The following USH2A variants were observed in gnomAD, a reference collection of about 807,000 sequenced individuals.
USH2A encodes the protein usherin.
A neutral mutation model predicts 538.9 loss-of-function variants in USH2A; 443 were observed. The ratio of observed to expected loss-of-function variants is 0.82; its 90% CI spans 0.76 to 0.89. The LOEUF (loss-of-function observed/expected upper bound fraction) is 0.89, where lower values mean the gene tolerates loss of function less well. Ranked by LOEUF, USH2A falls within the 40% of genes least tolerant of loss-of-function variation. USH2A has a pLI of 0.00. For missense variants in USH2A, 6,633 were observed against 6,324.8 expected (o/e 1.05, Z -1.65); for synonymous variants, 2,413 against 2,273.5 (o/e 1.06, Z -1.75).
intron 65 of USH2A, among the ~76,000 whole-genome samples, chr1:215,649,649 G>A (rs546229800): frequency 2.0e-5 from 3 of 152,268 alleles, no homozygotes; most frequent in East Asian, 1.9e-4. Flanking sequence ...CTCCCTGTAT[G>A]TAAGTTATCT....
intron 4 of USH2A, among the ~76,000 whole-genome samples, chr1:216,349,079 C>A (rs751981374): frequency 2.0e-5 from 3 of 152,106 alleles, no homozygotes; most frequent in Non-Finnish European, 4.4e-5. Context: ...GTAGGATAAG[C>A]TTACCGAATG....
chr1:215,929,433 A>T (rs1666310713), intron 38 of USH2A, among the ~76,000 whole-genome samples: 1 of 152,010 alleles, frequency 6.6e-6, no homozygotes, highest in African/African-American at 2.4e-5. Context: ...ACCCCTTAGC[A>T]GGGTTACTGG....
Position 216,077,972 on chromosome 1 carries a change from T to A in USH2A, c.5572+117A>T, listed in dbSNP as rs996231128. On this transcript the variant is annotated intron_variant, in intron 27 of 71. Coordinates refer to ENST00000307340, the MANE Select transcript of USH2A (RefSeq NM_206933.4). ...GTTTAAATTTCTCCAGAAAAAGAGA[T>A]GCTGTTGGGTGCTGCTTTTAGCCTG... is the stretch of plus-strand genomic sequence containing the variant. 4.0e-6 allele frequency: 5 copies of A among 1,239,212 alleles called. No individual in the cohort carries two copies. The South Asian group carries it at 5.1e-5, about 13-fold the overall frequency. 76.8% of individuals were successfully genotyped at this position (1,239,212 alleles called of 1,614,324 possible). A position where few individuals can be genotyped will look rare whatever the true frequency, so the allele number is the denominator to read the frequency against.
At chr1:216,331,349 G>A (rs538764700) in intron 4 of USH2A, among the ~76,000 whole-genome samples, 1 of 152,072 alleles carries the variant, frequency 6.6e-6, no homozygotes, top group Non-Finnish European at 1.5e-5. Context: ...AATTGATCAA[G>A]GAAATAGACA....
At chr1:215,831,807 G>C (rs1374918565) in intron 47 of USH2A, among the ~76,000 whole-genome samples, 1 of 151,904 alleles carries the variant, frequency 6.6e-6, no homozygotes, top group East Asian at 1.9e-4. Flanking sequence ...AAACAATAGA[G>C]AGCAGAAATC....
At chr1:216,125,941 G>A (rs1307892335) in intron 21 of USH2A, among the ~76,000 whole-genome samples, 2 of 152,302 alleles carry the variant, frequency 1.3e-5, no homozygotes, top group East Asian at 3.9e-4. Flanking sequence ...TAAGACAGCT[G>A]CCAATTTAAG....
intron 38 of USH2A, among the ~76,000 whole-genome samples, chr1:215,913,295 G>T (rs768565706): frequency 3.9e-4 from 59 of 152,076 alleles, no homozygotes; most frequent in Non-Finnish European, 7.5e-4. Flanking sequence ...GCAATATGTA[G>T]TTAAAATGTA....
At position 215,766,792 on chromosome 1, in the gene USH2A, GA is replaced by G. The variant is rs1273233156; in HGVS notation, c.10940-5del. On this transcript the variant is annotated splice_region_variant and splice_polypyrimidine_tract_variant and intron_variant, in intron 55 of 71. Coordinates refer to ENST00000307340, the MANE Select transcript of USH2A (RefSeq NM_206933.4). ...TAGTTGGTGTATGGCTGGAGACCTA[GA>G]AAAAGCAAGCAAGAAATAAAGTGCA... is the stretch of plus-strand genomic sequence containing the variant. The G allele has an allele frequency of 6.2e-7, 1 of 1,612,308 alleles. No homozygotes were observed. Among genetic ancestry groups the G allele is most frequent in the Non-Finnish European group, 8.5e-7 (1 of 1,178,490 alleles).
At chr1:216,296,390 T>C (rs956650723) in intron 9 of USH2A, among the ~76,000 whole-genome samples, 1 of 152,004 alleles carries the variant, frequency 6.6e-6, no homozygotes, top group Non-Finnish European at 1.5e-5. Context: ...CTCAGAGTAC[T>C]CTATTAATAC....
chr1:215,984,939 C>T lies in USH2A; in HGVS notation c.6805+8081G>A, dbSNP rs562006441. ...AAAAGAGAGAAGAGCTTTCACATTG[C>T]GGGATAATGCCTTATTACTGTTATG... On this transcript the variant is annotated intron_variant, in intron 35 of 71. Coordinates refer to ENST00000307340, the MANE Select transcript of USH2A (RefSeq NM_206933.4). 1.7e-4 allele frequency among the ~76,000 whole-genome samples: 26 copies of T among 152,224 alleles called. No individual in the cohort carries two copies. The East Asian group carries it at 3.1e-3, about 18-fold the overall frequency.
intron 21 of USH2A, among the ~76,000 whole-genome samples, chr1:216,119,784 T>A (rs1489515839): frequency 6.6e-6 from 1 of 152,152 alleles, no homozygotes; most frequent in Admixed American, 6.5e-5. Flanking sequence ...TACAAACCAT[T>A]AACAGTGCCA....
At chr1:216,113,545 G>A (rs967418913) in intron 21 of USH2A, among the ~76,000 whole-genome samples, 1 of 152,112 alleles carries the variant, frequency 6.6e-6, no homozygotes, top group Non-Finnish European at 1.5e-5. Context: ...GTATTTACAA[G>A]ATGAATAGTG....
At chr1:215,633,213 G>C (rs1186486920) in intron 70 of USH2A, among the ~76,000 whole-genome samples, 6 of 152,180 alleles carry the variant, frequency 3.9e-5, no homozygotes, top group Non-Finnish European at 7.4e-5. Flanking sequence ...CCTGTGGTTA[G>C]AGCTTGTCTG....
chr1:216,186,949 C>T (rs2034617814), intron 20 of USH2A, among the ~76,000 whole-genome samples: 1 of 151,798 alleles, frequency 6.6e-6, no homozygotes, highest in Non-Finnish European at 1.5e-5. Context: ...AAAAGTCTAC[C>T]AGACACTTAT....
chr1:215,708,833 G>A (rs372004806), intron 61 of USH2A, among the ~76,000 whole-genome samples: 2 of 152,152 alleles, frequency 1.3e-5, no homozygotes, highest in Admixed American at 6.5e-5. Flanking sequence ...CTGCGTCCCC[G>A]GGGTTCTGGA....
At chr1:216,057,793 C>T (rs752505545) in intron 30 of USH2A, among the ~76,000 whole-genome samples, 30 of 152,152 alleles carry the variant, frequency 2.0e-4, no homozygotes, top group Non-Finnish European at 3.4e-4. Context: ...AAAAGAATTA[C>T]TTTTTATTTA....
Position 215,680,237 on chromosome 1 carries a change from A to G in USH2A, c.12206T>C (p.Leu4069Pro). The G allele has an allele frequency of 6.2e-7, 1 of 1,614,148 alleles. No homozygotes were observed. The highest frequency in any genetic ancestry group is 8.5e-7 in the Non-Finnish European group (1 of 1,180,024). Residue 4069 changes from leucine to proline, a missense_variant, in exon 62 of 72, where the codon CTG becomes CCG. Transcript: ENST00000307340. ...TTTCTGTTCTACTATAAAGTTTCTC[A>G]GTCCACTTGGGGAAGATTCTAAGGT... is the stretch of plus-strand genomic sequence containing the variant. Reference protein sequence around the residue: ...IQTLESSPSGLRNFIVEQKEN... With the variant: ...IQTLESSPSGPRNFIVEQKEN...
chr1:216,200,259 A>G, intron 16 of USH2A, 138 bp from the exon 17 acceptor site: 1 of 940,576 alleles, frequency 1.1e-6, no homozygotes, highest in Admixed American at 2.9e-5. Context: ...TACATTTCAT[A>G]TTTTTAAAAT....
intron 9 of USH2A, among the ~76,000 whole-genome samples, chr1:216,312,115 A>C (rs1458534546): frequency 6.6e-6 from 1 of 151,912 alleles, no homozygotes; most frequent in Non-Finnish European, 1.5e-5. Context: ...TTGTTTGAGA[A>C]AGTATTTTTC....
Sources: gnomAD v4.1 joint callset for allele counts (sites outside exome capture counted in the v4.1 genomes callset) on GRCh38, gnomAD v4.1.1 for gene constraint, MANE v1.5 for transcripts, NCBI Gene and HGNC (gene_info 2026-07-23, HGNC 2026-07-21) for gene names.